Variants in BCR observed in about 807,000 individuals in gnomAD.
The protein encoded by BCR is breakpoint cluster region protein.
BCR carries 58 observed loss-of-function variants against 138.6 expected under a neutral mutation model. That is an observed-to-expected ratio of 0.42 (90% CI 0.34 to 0.52). The LOEUF (loss-of-function observed/expected upper bound fraction) is 0.52, where lower values mean the gene tolerates loss of function less well. Among genes scored for constraint, BCR ranks in the 20% least tolerant of loss-of-function variants. The probability of loss-of-function intolerance (pLI) is 0.06; values close to 1 mark genes in which losing one functional copy is unlikely to be tolerated. For synonymous variants in BCR, 786 were observed against 730.1 expected, an observed-to-expected ratio of 1.08 and a Z score of -1.23; for missense variants, 1,599 against 1,727.2, an observed-to-expected ratio of 0.93 and a Z score of 1.32.
In BCR at chr22:23,284,028, C is replaced by A. The variant is rs777937187; in HGVS notation, c.2167C>A (p.Arg723Ser). ...CATGGTGGAGCTGGTGGAGGGGGCC[C>A]GCAAGCTGCGCCACGTCTTCCTGTT... ...SFMVELVEGA[R>S]KLRHVFLFTD... The change falls in exon 9 of 23, where the codon CGC (arginine) becomes AGC (serine). Residue 723 changes from arginine to serine, a missense_variant. Physicochemically the swap from Arg to Ser is moderately radical, Grantham distance 110. Coordinates refer to ENST00000305877, the MANE Select transcript of BCR (RefSeq NM_004327.4). 1.9e-6 allele frequency: 3 copies of A among 1,605,070 alleles called. No homozygotes were observed. The highest frequency in any genetic ancestry group is 2.6e-6 in the Non-Finnish European group (3 of 1,176,042).
At chr22:23,211,422 T>G (rs2072680568) in intron 1 of BCR, among the ~76,000 whole-genome samples, 1 of 152,022 alleles carries the variant, frequency 6.6e-6, no homozygotes, top group Admixed American at 6.5e-5. Context: ...ATGGTCTCGA[T>G]TTCCTGACCT....
In BCR at chr22:23,297,207, G is replaced by GTTTTTTTTTTTTTTTTTTTTTTTTTT. The variant is rs1307353327; in HGVS notation, c.3012+2058_3012+2059insTTTTTTTTTTTTTTTTTTTTTTTTTT. Among the ~76,000 whole-genome samples the GTTTTTTTTTTTTTTTTTTTTTTTTTT allele has an allele frequency of 3.1e-5, 3 of 97,382 alleles. 1 individual carries two copies. The highest frequency in any genetic ancestry group is 1.5e-4 in the African/African-American group (3 of 20,502). 63.9% of individuals were successfully genotyped at this position (97,382 alleles called of 152,430 possible). A position where few individuals can be genotyped will look rare whatever the true frequency, so the allele number is the denominator to read the frequency against. ...GTGCCCCACCATGCCTGGCTAAGTTGTTTTTTGTTTTTTGTTTTTTTTTTT... is the reference window on the plus strand; with the variant it reads ...GTGCCCCACCATGCCTGGCTAAGTTGTTTTTTTTTTTTTTTTTTTTTTTTTTTTTTTTGTTTTTTGTTTTTTTTTTT... On this transcript the variant is annotated intron_variant, in intron 16 of 22. Transcript: ENST00000305877.
chr22:23,211,823 A>G (rs1486699954), intron 1 of BCR, among the ~76,000 whole-genome samples: 1 of 152,112 alleles, frequency 6.6e-6, no homozygotes, highest in Non-Finnish European at 1.5e-5. Flanking sequence ...CTTCCAGGCC[A>G]CATCTCACCC....
chr22:23,272,239 G>A (rs5759670), intron 6 of BCR, among the ~76,000 whole-genome samples: 57,065 of 152,102 alleles, frequency 0.38, 12,024 homozygotes, highest in African/African-American at 0.56. Flanking sequence ...GGAAAGTGCT[G>A]TCAGGAATTG....
intron 1 of BCR, among the ~76,000 whole-genome samples, chr22:23,184,925 G>T (rs1456707608): frequency 6.6e-6 from 1 of 152,048 alleles, no homozygotes; most frequent in African/African-American, 2.4e-5. Flanking sequence ...ATGGGGGTGG[G>T]TGGGGGGAGG....
Position 23,237,918 on chromosome 22 carries a change from C to A in BCR, c.1280-15881C>A, listed in dbSNP as rs980976535. ...GTCATAAGGTTTTTCTGGAAAGGAG[C>A]GAAAGAGTGCGCTGCTAAATGTTGC... On this transcript the variant is annotated intron_variant, in intron 1 of 22. Transcript: ENST00000305877. Among the ~76,000 whole-genome samples the A allele has an allele frequency of 3.3e-5, 5 of 152,306 alleles. No homozygotes were observed. In the South Asian group the frequency reaches 6.2e-4, roughly 19 times the overall value.
intron 1 of BCR, among the ~76,000 whole-genome samples, chr22:23,184,712 T>TA (rs1235576586): frequency 2.0e-5 from 3 of 152,184 alleles, no homozygotes; most frequent in Non-Finnish European, 4.4e-5. Context: ...TGGATCCTGT[T>TA]ATGTTTTAAA....
chr22:23,278,496 G>A (rs1415871009), intron 8 of BCR, among the ~76,000 whole-genome samples: 1 of 152,196 alleles, frequency 6.6e-6, no homozygotes, highest in Non-Finnish European at 1.5e-5. Flanking sequence ...GGAGGCCGAG[G>A]CGGGTGGATC....
At chr22:23,281,233 C>T (rs1383715473) in intron 8 of BCR, among the ~76,000 whole-genome samples, 1 of 152,250 alleles carries the variant, frequency 6.6e-6, no homozygotes, top group Non-Finnish European at 1.5e-5. Context: ...CCACTGAGGC[C>T]CTGGCCCTCT....
intron 1 of BCR, among the ~76,000 whole-genome samples, chr22:23,200,174 C>T (rs1182194948): frequency 6.6e-6 from 1 of 152,058 alleles, no homozygotes; most frequent in Non-Finnish European, 1.5e-5. Context: ...AGGACTTCCT[C>T]CTAGGGAACA....
intron 1 of BCR, among the ~76,000 whole-genome samples, chr22:23,189,583 C>T (rs1414123674): frequency 1.3e-5 from 2 of 152,166 alleles, no homozygotes; most frequent in African/African-American, 2.4e-5. Flanking sequence ...TCACTGCAAC[C>T]TCTCCCTCCC....
chr22:23,277,407 C>G (rs1417144950), intron 8 of BCR, among the ~76,000 whole-genome samples: 1 of 152,214 alleles, frequency 6.6e-6, no homozygotes, highest in Non-Finnish European at 1.5e-5. Context: ...CCTTCCTCCT[C>G]TGTGAGCCGA....
intron 8 of BCR, 122 bp downstream of exon 8, chr22:23,273,896 G>A: frequency 1.4e-6 from 2 of 1,395,372 alleles, no homozygotes; most frequent in Non-Finnish European, 2.0e-6. Context: ...TCTGGGATTG[G>A]TGAGATTGGC....
intron 2 of BCR, 179 bp from the exon 3 acceptor site, chr22:23,260,771 G>A (rs528865767): frequency 3.3e-6 from 2 of 611,944 alleles, no homozygotes; most frequent in East Asian, 5.8e-5. Flanking sequence ...CAGTGACTGT[G>A]AGTGTGTGGC....
chr22:23,201,987 A>T (rs980220727), intron 1 of BCR, among the ~76,000 whole-genome samples: 2 of 152,186 alleles, frequency 1.3e-5, no homozygotes, highest in Admixed American at 6.5e-5. Context: ...TATAGTTAAG[A>T]TGTTGCTGTG....
intron 13 of BCR, chr22:23,289,921 C>G (rs1416022259): frequency 1.9e-6 from 1 of 522,264 alleles, no homozygotes; most frequent in Admixed American, 3.3e-5. Context: ...TGGCCCCACT[C>G]CCGTCCTCCC....
Position 23,291,584 on chromosome 22 carries a change from G to A in BCR, c.2783-957G>A, listed in dbSNP as rs145335956. On this transcript the variant is annotated intron_variant, in intron 14 of 22. Coordinates refer to ENST00000305877, the MANE Select transcript of BCR (RefSeq NM_004327.4). ...TGAGCAATACAGCGTGACACCCTAC[G>A]CTGCCCCGTGGTCCCGGGCTTGTCT... Among the ~76,000 whole-genome samples, 825 of 151,986 alleles carry A rather than the reference G, an allele frequency of 5.4e-3. 6 individuals are homozygous for A. Among genetic ancestry groups the A allele is most frequent in the African/African-American group, 0.019 (779 of 41,426 alleles).
intron 1 of BCR, among the ~76,000 whole-genome samples, chr22:23,209,242 C>T (rs1439429956): frequency 6.6e-6 from 1 of 151,940 alleles, no homozygotes; most frequent in Non-Finnish European, 1.5e-5. Context: ...CGCCTCTAGT[C>T]TCAGCTACTT....
In BCR at chr22:23,181,634, A is replaced by T. The variant is rs765003685; in HGVS notation, c.674A>T (p.Asp225Val). ...SQHGAGSSVG[D>V]ASRPPYRGRS... ...CACGGCGCGGGCTCGAGCGTGGGGG[A>T]TGCATCCAGGCCCCCTTACCGGGGA... Residue 225 changes from aspartate (D) to valine (V), a missense_variant, in exon 1 of 23, where the codon GAT (aspartate) becomes GTT (valine). This residue lies in a region of BCR where 806 missense variants were observed against 635.0 expected (regional missense o/e 1.27). Transcript: ENST00000305877. 1.4e-5 allele frequency: 22 copies of T among 1,610,500 alleles called. No individual in the cohort carries two copies. The highest frequency in any genetic ancestry group is 1.9e-5 in the Non-Finnish European group (22 of 1,179,968).
Sources: gnomAD v4.1 joint callset for allele counts (sites outside exome capture counted in the v4.1 genomes callset) on GRCh38, gnomAD v4.1.1 for gene constraint, gnomAD v4.1.1 regional missense constraint, MANE v1.5 for transcripts, NCBI Gene and HGNC (gene_info 2026-07-23, HGNC 2026-07-21) for gene names.